Variants in ADCK2 observed in about 807,000 individuals in gnomAD.
The protein encoded by ADCK2 is aarF domain containing kinase 2.
A neutral mutation model predicts 52.3 loss-of-function variants in ADCK2; 37 were observed. The ratio of observed to expected loss-of-function variants is 0.71; its 90% CI spans 0.54 to 0.93. The LOEUF (loss-of-function observed/expected upper bound fraction) is 0.93. Ranked by LOEUF, ADCK2 falls within the 40% of genes least tolerant of loss-of-function variation. ADCK2 has a pLI of 0.00. For missense variants in ADCK2, 695 were observed against 798.7 expected, an observed-to-expected ratio of 0.87 and a Z score of 1.56; for synonymous variants, 321 against 349.2, an observed-to-expected ratio of 0.92 and a Z score of 0.90.
intron 5 of ADCK2, among the ~76,000 whole-genome samples, 174 bp downstream of exon 5, chr7:140,687,415 A>G (rs1455477722): frequency 1.3e-5 from 2 of 152,104 alleles, no homozygotes; most frequent in African/African-American, 2.4e-5. Context: ...CCCTGTCTCT[A>G]TAAAAAATAA....
chr7:140,683,418 G>A lies in ADCK2; in HGVS notation c.1305+2281G>A, dbSNP rs377661865. On this transcript the variant is annotated intron_variant, in intron 4 of 7. Coordinates refer to ENST00000072869, the MANE Select transcript of ADCK2 (RefSeq NM_052853.4). ...GAGACGAGAGGCAGGGGAGTCAGAAGGTGGATTTTGATTCTTGGACATTTA... is the reference window on the plus strand; with the variant it reads ...GAGACGAGAGGCAGGGGAGTCAGAAAGTGGATTTTGATTCTTGGACATTTA... Among the ~76,000 whole-genome samples, 18 of 152,328 alleles carry A rather than the reference G, an allele frequency of 1.2e-4. 1 individual carries two copies. The South Asian group carries it at 2.5e-3, about 21-fold the overall frequency.
chr7:140,673,233 C>CGCGG lies in ADCK2; in HGVS notation c.-96_-93dup, dbSNP rs1327478812. 2 of 1,104,628 alleles carry CGCGG rather than the reference C, an allele frequency of 1.8e-6. No homozygotes were observed. The highest frequency in any genetic ancestry group is 4.4e-5 in the South Asian group (2 of 45,460). 68.4% of individuals were successfully genotyped at this position (1,104,628 alleles called of 1,614,324 possible). ...TCCGGCCCAGATGGGCAGCTCCGTC[C>CGCGG]GCGGGGTCAGGGCCGGGCTTCGGCT... On this transcript the variant is annotated 5_prime_UTR_variant, in exon 1 of 8. It removes the in-frame stop codon of an upstream open reading frame in the 5' UTR. Coordinates refer to ENST00000072869, the MANE Select transcript of ADCK2 (RefSeq NM_052853.4). This position sits in a 1 kb window ranked among gnomAD's most constrained non-coding sequence, Gnocchi z 6.4.
chr7:140,692,997 G>A (rs1794734319), intron 7 of ADCK2, among the ~76,000 whole-genome samples: 1 of 152,098 alleles, frequency 6.6e-6, no homozygotes, highest in Admixed American at 6.5e-5. Context: ...GTCATTTTCT[G>A]TTTTGTTTTT....
At chr7:140,676,014 C>T (rs1448698530) in intron 2 of ADCK2, among the ~76,000 whole-genome samples, 1 of 152,164 alleles carries the variant, frequency 6.6e-6, no homozygotes, top group Admixed American at 6.5e-5. Context: ...GATTTTAAGT[C>T]CTAGGGATTC....
intron 4 of ADCK2, among the ~76,000 whole-genome samples, chr7:140,686,637 T>G (rs1794609207): frequency 6.6e-6 from 1 of 152,156 alleles, no homozygotes; most frequent in Non-Finnish European, 1.5e-5. Context: ...TGGAGGGCAG[T>G]GGCATGATCA....
At position 140,673,187 on chromosome 7, in the gene ADCK2, C is replaced by G; in HGVS notation, c.-144C>G. 2 of 587,958 alleles carry G rather than the reference C, an allele frequency of 3.4e-6. No individual in the cohort carries two copies. Among genetic ancestry groups the G allele is most frequent in the Non-Finnish European group, 2.6e-6 (1 of 390,220 alleles). 36.4% of individuals were successfully genotyped at this position (587,958 alleles called of 1,614,324 possible). A position where few individuals can be genotyped will look rare whatever the true frequency, so the allele number is the denominator to read the frequency against. On this transcript the variant is annotated 5_prime_UTR_variant, in exon 1 of 8. Transcript: ENST00000072869. The surrounding 1 kb of genome is among the most constrained non-coding windows in gnomAD (Gnocchi z 6.4). ...CTCCGGCCTGAGGCCCGGCGAGGTG[C>G]TGGAGGGAGCGGGGCGCGGATCCGG...
At chr7:140,677,072 G>T (rs577536333) in intron 2 of ADCK2, among the ~76,000 whole-genome samples, 1 of 151,190 alleles carries the variant, frequency 6.6e-6, no homozygotes, top group Non-Finnish European at 1.5e-5. Flanking sequence ...TCTGTTAGAC[G>T]CTAGTAAGCA....
chr7:140,694,805 G>A lies in ADCK2; in HGVS notation c.*2G>A. ...ACGGGCCCAGTGTGCCCCCCGTGAT[G>A]GGGCAGTGGCCTCTGTGGGCCCTTG... On this transcript the variant is annotated 3_prime_UTR_variant, in exon 8 of 8. Transcript: ENST00000072869. 2 of 1,612,072 alleles carry A rather than the reference G, an allele frequency of 1.2e-6. No individual in the cohort carries two copies.
Position 140,673,339 on chromosome 7 carries a change from G to T in ADCK2, c.9G>T (p.Ala3=), listed in dbSNP as rs1585839074. 2 of 1,450,712 alleles carry T rather than the reference G, an allele frequency of 1.4e-6. No individual in the cohort carries two copies. The highest frequency in any genetic ancestry group is 2.6e-5 in the East Asian group (1 of 38,230). 89.9% of individuals were successfully genotyped at this position (1,450,712 alleles called of 1,614,324 possible). ...CCGCGGGCCTCGGGAGGATGGTGGC[G>T]CCCTGGCGCGTCTCCGTCAGGGTTT... MV[A]PWRVSVRVCL... is the part of the protein sequence containing the mutation. The change falls in exon 1 of 8, where the codon GCG becomes GCT. Residue 3 remains alanine, a synonymous_variant. Transcript: ENST00000072869. The surrounding 1 kb of genome is among the most constrained non-coding windows in gnomAD (Gnocchi z 6.4).
chr7:140,673,336 G>T lies in ADCK2; in HGVS notation c.6G>T (p.Val2=). The T allele has an allele frequency of 2.8e-6, 4 of 1,447,200 alleles. No individual in the cohort carries two copies. The highest frequency in any genetic ancestry group is 3.6e-6 in the Non-Finnish European group (4 of 1,098,368). The allele number at this position is 1,447,200 out of a possible 1,614,324, so 89.6% of individuals were successfully genotyped here. The stretch of plus-strand genomic sequence containing the variant: ...GGGCCGCGGGCCTCGGGAGGATGGT[G>T]GCGCCCTGGCGCGTCTCCGTCAGGG... M[V]APWRVSVRVC... The change falls in exon 1 of 8, where the codon GTG becomes GTT. Residue 2 remains valine (V), a synonymous_variant. Coordinates refer to ENST00000072869, the MANE Select transcript of ADCK2 (RefSeq NM_052853.4). This position sits in a 1 kb window ranked among gnomAD's most constrained non-coding sequence, Gnocchi z 6.4.
rs1158141837 is a variant in ADCK2, at chr7:140,674,421, C to T, written c.933+158C>T. ...TGTTTCATTTATTGGCTTGAAGTGG[C>T]GGTGTGAATAGTCTGATAGAGGAAA... is the stretch of plus-strand genomic sequence containing the variant. On this transcript the variant is annotated intron_variant, in intron 1 of 7. Coordinates refer to ENST00000072869, the MANE Select transcript of ADCK2 (RefSeq NM_052853.4). The surrounding 1 kb of genome is among the most constrained non-coding windows in gnomAD (Gnocchi z 4.6). 4.6e-6 allele frequency: 5 copies of T among 1,097,266 alleles called. No individual in the cohort carries two copies. The highest frequency in any genetic ancestry group is 1.6e-5 in the African/African-American group (1 of 62,564). The allele number at this position is 1,097,266 out of a possible 1,614,324, so 68.0% of individuals were successfully genotyped here.
In ADCK2 at chr7:140,674,417, G is replaced by A; in HGVS notation, c.933+154G>A. ...AAGCTGTTTCATTTATTGGCTTGAA[G>A]TGGCGGTGTGAATAGTCTGATAGAG... On this transcript the variant is annotated intron_variant, in intron 1 of 7. Transcript: ENST00000072869. This position sits in a 1 kb window ranked among gnomAD's most constrained non-coding sequence, Gnocchi z 4.6. The A allele has an allele frequency of 9.0e-7, 1 of 1,112,884 alleles. No homozygotes were observed. The highest frequency in any genetic ancestry group is 1.2e-6 in the Non-Finnish European group (1 of 801,876). 68.9% of individuals were successfully genotyped at this position (1,112,884 alleles called of 1,614,324 possible).
rs1419681846 is a variant in ADCK2 at position 140,689,636 on chromosome 7, G to A, written c.1597G>A (p.Ala533Thr). The stretch of plus-strand genomic sequence containing the variant: ...TGAGCTGATCCTGCATCATGCCCGG[G>A]CCAGCGAGTGCAGGGACGTGGAGGG... The part of the protein sequence containing the change: ...VAELILHHAR[A>T]SECRDVEGFK... The change falls in exon 6 of 8, where the codon GCC (alanine) becomes ACC (threonine). Residue 533 changes from alanine (A) to threonine (T), a missense_variant. Ala to Thr is a moderately conservative substitution (Grantham distance 58). Transcript: ENST00000072869. 3 of 1,612,668 alleles carry A rather than the reference G, an allele frequency of 1.9e-6. No individual in the cohort carries two copies. The highest frequency in any genetic ancestry group is 1.1e-5 in the South Asian group (1 of 90,874).
rs1381237877 is a variant in ADCK2, at chr7:140,693,955, C to T, written c.1741-708C>T. Among the ~76,000 whole-genome samples, 3 of 152,010 alleles carry T rather than the reference C, an allele frequency of 2.0e-5. No homozygotes were observed. The highest frequency in any genetic ancestry group is 4.4e-5 in the Non-Finnish European group (3 of 67,996). On this transcript the variant is annotated intron_variant, in intron 7 of 7. Coordinates refer to ENST00000072869, the MANE Select transcript of ADCK2 (RefSeq NM_052853.4). This position sits in a 1 kb window ranked among gnomAD's most constrained non-coding sequence, Gnocchi z 4.0. ...CGATCTCCTGACCTCATGATCCGCCCGCCTCGGTCTCCCAAAGGGCTGGGA... is the reference window on the plus strand; with the variant it reads ...CGATCTCCTGACCTCATGATCCGCCTGCCTCGGTCTCCCAAAGGGCTGGGA...
rs150611402 is a variant in ADCK2 at position 140,674,073 on chromosome 7, G to A, written c.743G>A (p.Gly248Asp). Residue 248 changes from glycine to aspartate, a missense_variant, in exon 1 of 8, where the codon GGT (glycine) becomes GAT (aspartate). Transcript: ENST00000072869. The surrounding 1 kb of genome is among the most constrained non-coding windows in gnomAD (Gnocchi z 4.6). ...CCCTTCTCACATACTGGGGCAGTCG[G>A]TGGGCTGAGAGAGCTCTTTGGATAC... The part of the protein sequence containing the change: ...LPPFSHTGAV[G>D]GLRELFGYLG... The A allele has an allele frequency of 1.8e-4, 286 of 1,614,160 alleles. 2 individuals are homozygous for A. The African/African-American group carries it at 3.5e-3, about 19-fold the overall frequency.
At chr7:140,681,631 T>C (rs749314538) in intron 4 of ADCK2, among the ~76,000 whole-genome samples, 1 of 151,834 alleles carries the variant, frequency 6.6e-6, no homozygotes, top group Non-Finnish European at 1.5e-5. Flanking sequence ...TTTTTTTCCT[T>C]TTTTAAGATA....
chr7:140,694,619 T>G, intron 7 of ADCK2, 44 bp from the exon 8 acceptor site: 1 of 1,581,244 alleles, frequency 6.3e-7, no homozygotes, highest in Non-Finnish European at 8.7e-7. Flanking sequence ...CACGTCCCTG[T>G]ATCAGCATGT....
At position 140,673,978 on chromosome 7, in the gene ADCK2, A is replaced by C. The variant is rs1801684342; in HGVS notation, c.648A>C (p.Lys216Asn). ...CAGGCTGCGTGGCCCAGGTGTACAA[A>C]GCATACGCCAACACTGCCTTCCTGG... ...VGSGCVAQVY[K>N]AYANTAFLET... The change falls in exon 1 of 8, where the codon AAA becomes AAC. Residue 216 changes from lysine to asparagine, a missense_variant. Coordinates refer to ENST00000072869, the MANE Select transcript of ADCK2 (RefSeq NM_052853.4). This position sits in a 1 kb window ranked among gnomAD's most constrained non-coding sequence, Gnocchi z 6.4. 1 of 1,614,058 alleles carries C rather than the reference A, an allele frequency of 6.2e-7. No homozygotes were observed. Among genetic ancestry groups the C allele is most frequent in the Non-Finnish European group, 8.5e-7 (1 of 1,180,030 alleles).
intron 2 of ADCK2, among the ~76,000 whole-genome samples, chr7:140,675,393 C>A (rs1045440728): frequency 6.6e-6 from 1 of 152,224 alleles, no homozygotes; most frequent in Non-Finnish European, 1.5e-5. Flanking sequence ...CATTCTCCCT[C>A]CTCGGCCTTC....
Sources: allele counts gnomAD v4.1 joint callset (sites outside exome capture counted in the v4.1 genomes callset), GRCh38; gene constraint gnomAD v4.1.1; non-coding constraint Gnocchi (gnomAD v3.1); transcripts MANE v1.5; gene names NCBI Gene and HGNC (gene_info 2026-07-23, HGNC 2026-07-21).